The following MYO18B variants were observed in gnomAD, a reference collection of about 807,000 sequenced individuals.
The protein encoded by MYO18B is myosin XVIIIB, also known as unconventional myosin-XVIIIb.
In MYO18B, 204 loss-of-function variants were observed where a neutral mutation model predicts 273.0. The observed-to-expected ratio is 0.75, with a 90% CI of 0.67 to 0.84. The LOEUF is 0.84. MYO18B is among the 40% of genes least tolerant of loss of function. The pLI, the probability that MYO18B is intolerant of heterozygous loss-of-function variation, is 0.00. For missense variants in MYO18B, 3,212 were observed against 3,287.6 expected (o/e 0.98, Z 0.56); for synonymous variants, 1,330 against 1,305.7 (o/e 1.02, Z -0.40).
At chr22:25,847,734 C>A in intron 20 of MYO18B, 82 bp downstream of exon 20, 1 of 1,070,598 alleles carries the variant, frequency 9.3e-7, no homozygotes, top group Non-Finnish European at 1.4e-6. Context: ...GGGATGGGAG[C>A]CCCTGCCATG....
chr22:25,793,513 A>G (rs965060774), intron 11 of MYO18B, among the ~76,000 whole-genome samples: 8 of 152,152 alleles, frequency 5.3e-5, no homozygotes, highest in Non-Finnish European at 8.8e-5. Context: ...CACTAGGATG[A>G]CAGGCATGAG....
chr22:25,766,714 C>T (rs2086519741), intron 3 of MYO18B, among the ~76,000 whole-genome samples: 1 of 152,294 alleles, frequency 6.6e-6, no homozygotes, highest in Non-Finnish European at 1.5e-5. Flanking sequence ...GTGACCAGTA[C>T]AGTTCATGCA....
chr22:25,895,007 A>G, intron 27 of MYO18B, 149 bp from the exon 28 acceptor site: 1 of 904,404 alleles, frequency 1.1e-6, no homozygotes, highest in African/African-American at 1.7e-5. Flanking sequence ...GTTAAAGCAT[A>G]GTTTCTTGGT....
intron 28 of MYO18B, 190 bp from the exon 29 acceptor site, chr22:25,898,117 C>T: frequency 3.4e-6 from 2 of 580,158 alleles, no homozygotes; most frequent in Non-Finnish European, 5.9e-6. Flanking sequence ...TACCTCTGAG[C>T]AAACTGAGGC....
At chr22:26,003,190 TC>T in intron 40 of MYO18B, 74 bp from the exon 41 acceptor site, 1 of 1,347,614 alleles carries the variant, frequency 7.4e-7, no homozygotes, top group Non-Finnish European at 1.0e-6. Flanking sequence ...CTCATGTCTG[TC>T]TAACGTCAAT....
In MYO18B at chr22:26,026,606, T is replaced by C; in HGVS notation, c.6632T>C (p.Leu2211Pro). Residue 2211 changes from leucine (L) to proline (P), a missense_variant, in exon 43 of 44, where the codon CTT becomes CCT. Physicochemically the swap from Leu to Pro is moderately conservative, Grantham distance 98 (BLOSUM62 -3). Coordinates refer to ENST00000335473, the MANE Select transcript of MYO18B (RefSeq NM_032608.7). ...TGTCATTTTGGGGACGGCGAAGTGC[T>C]TGCCGTCCAGAGAAAGTCCACAGAG... ...KYCHFGDGEV[L>P]AVQRKSTERL... The C allele has an allele frequency of 1.2e-6, 2 of 1,613,828 alleles. No individual in the cohort carries two copies. The highest frequency in any genetic ancestry group is 1.7e-6 in the Non-Finnish European group (2 of 1,179,864).
Position 25,921,315 on chromosome 22 carries a change from A to C in MYO18B, c.5423A>C (p.His1808Pro), listed in dbSNP as rs780085563. The C allele has an allele frequency of 3.8e-6, 6 of 1,567,448 alleles. No individual in the cohort carries two copies. In the Admixed American group the frequency reaches 5.7e-5, roughly 15 times the overall value. Residue 1808 changes from histidine to proline, a missense_variant, in exon 34 of 44, where the codon CAT becomes CCT. By Grantham distance (77) the His-to-Pro change is moderately conservative. Transcript: ENST00000335473. The stretch of plus-strand genomic sequence containing the variant: ...CTTCGGAGAGACCTCAGGAGGACAC[A>C]TGCACTGTTGTCAGACGTGCAGCTC... The part of the protein sequence containing the change: ...KRLRRDLRRT[H>P]ALLSDVQLLL...
chr22:25,982,932 T>C (rs1298963777), intron 39 of MYO18B, among the ~76,000 whole-genome samples: 1 of 152,196 alleles, frequency 6.6e-6, no homozygotes, highest in Non-Finnish European at 1.5e-5. Context: ...TCCTGAATTC[T>C]CAACCCACAG....
intron 39 of MYO18B, among the ~76,000 whole-genome samples, chr22:25,972,317 A>G (rs1398419669): frequency 6.6e-6 from 1 of 152,076 alleles, no homozygotes; most frequent in Non-Finnish European, 1.5e-5. Context: ...AGCTGGAGGT[A>G]TATTTTAAGT....
chr22:25,770,565 G>A (rs1362747321), intron 5 of MYO18B, among the ~76,000 whole-genome samples: 1 of 152,136 alleles, frequency 6.6e-6, no homozygotes, highest in East Asian at 1.9e-4. Context: ...ATGGGCACTG[G>A]AGGGGGAAAT....
chr22:25,899,578 T>A (rs1441497522), intron 29 of MYO18B: 1 of 152,226 alleles, frequency 6.6e-6, no homozygotes, highest in Non-Finnish European at 1.5e-5. Context: ...TGAGCTGGCT[T>A]CTTCATCTGA....
intron 31 of MYO18B, among the ~76,000 whole-genome samples, chr22:25,905,975 T>C (rs2092034195): frequency 6.6e-6 from 1 of 152,210 alleles, no homozygotes. Flanking sequence ...GTTAACTCTT[T>C]AAGATACCAC....
chr22:25,827,929 T>G (rs2089554572), intron 14 of MYO18B, among the ~76,000 whole-genome samples: 1 of 152,212 alleles, frequency 6.6e-6, no homozygotes, highest in African/African-American at 2.4e-5. Flanking sequence ...ATAAACCGAC[T>G]TCATCTTCAT....
At chr22:25,872,541 G>C (rs578054282) in intron 22 of MYO18B, among the ~76,000 whole-genome samples, 1 of 152,318 alleles carries the variant, frequency 6.6e-6, no homozygotes, top group South Asian at 2.1e-4. Context: ...AAAGCACTTT[G>C]GAAAATGTAG....
intron 34 of MYO18B, 25 bp downstream of exon 34, chr22:25,921,434 G>T: frequency 6.3e-7 from 1 of 1,591,848 alleles, no homozygotes; most frequent in Non-Finnish European, 8.6e-7. Flanking sequence ...ATCCCCTTGA[G>T]AATCAGGCTG....
Position 25,798,061 on chromosome 22 carries a change from G to A in MYO18B, c.2485G>A (p.Ala829Thr). ...GCGGGCTGTTTGGCGGGTCCTGGCA[G>A]CCATCTACCACCTGGGTGCGGCGGG... is the stretch of plus-strand genomic sequence containing the variant. ...EQRAVWRVLA[A>T]IYHLGAAGAC... Residue 829 changes from alanine (A) to threonine (T), a missense_variant, in exon 12 of 44, where the codon GCC becomes ACC. Ala to Thr is a moderately conservative substitution (Grantham distance 58, BLOSUM62 0). Transcript: ENST00000335473. The A allele has an allele frequency of 6.2e-7, 1 of 1,611,618 alleles. No homozygotes were observed.
intron 21 of MYO18B, among the ~76,000 whole-genome samples, chr22:25,854,563 G>C (rs566643445): frequency 6.6e-6 from 1 of 152,234 alleles, no homozygotes; most frequent in East Asian, 1.9e-4. Context: ...TTGATCAGTG[G>C]TATTAAGTAC....
chr22:25,796,784 A>G (rs868734824), intron 11 of MYO18B, among the ~76,000 whole-genome samples: 5 of 152,176 alleles, frequency 3.3e-5, no homozygotes, highest in Admixed American at 1.3e-4. Context: ...GAGCTCAGGA[A>G]TATCGTGGGG....
At position 26,024,149 on chromosome 22, in the gene MYO18B, G is replaced by A. The variant is rs142341938; in HGVS notation, c.6471-2296G>A. Reference sequence around the variant, plus strand: ...TTTTATTGAGTCCAGTGTGGGGTTGGGTTCTGGAGATTCAGAAATTAAATA... The same window carrying A: ...TTTTATTGAGTCCAGTGTGGGGTTGAGTTCTGGAGATTCAGAAATTAAATA... On this transcript the variant is annotated intron_variant, in intron 42 of 43. Transcript: ENST00000335473. 7.9e-5 allele frequency among the ~76,000 whole-genome samples: 12 copies of A among 152,242 alleles called. No individual in the cohort carries two copies. The East Asian group carries it at 2.1e-3, about 27-fold the overall frequency.
Sources: gnomAD v4.1 joint callset for allele counts (sites outside exome capture counted in the v4.1 genomes callset) on GRCh38, gnomAD v4.1.1 for gene constraint, MANE v1.5 for transcripts, NCBI Gene and HGNC (gene_info 2026-07-23, HGNC 2026-07-21) for gene names.